The following CACNB4 variants were observed in gnomAD, a reference collection of about 807,000 sequenced individuals.
The protein encoded by CACNB4 is voltage-dependent L-type calcium channel subunit beta-4.
CACNB4 carries 32 observed loss-of-function variants against 71.2 expected under a neutral mutation model. The observed-to-expected ratio is 0.45, with a 90% CI of 0.34 to 0.60. The LOEUF (loss-of-function observed/expected upper bound fraction) is 0.60, where lower values mean the gene tolerates loss of function less well. Among genes scored for constraint, CACNB4 ranks in the 20% least tolerant of loss-of-function variants. The pLI is 0.01. For missense variants in CACNB4, 464 were observed against 647.9 expected, an observed-to-expected ratio of 0.72 and a Z score of 3.08; for synonymous variants, 231 against 236.9, an observed-to-expected ratio of 0.97 and a Z score of 0.23.
At chr2:151,845,073 A>G (rs897926270) in intron 12 of CACNB4, among the ~76,000 whole-genome samples, 3 of 152,226 alleles carry the variant, frequency 2.0e-5, no homozygotes, top group African/African-American at 7.2e-5. Context: ...TGTTATTTGA[A>G]TGAGGTTTAT....
chr2:151,847,408 AG>A (rs2099837883), intron 12 of CACNB4, among the ~76,000 whole-genome samples: 1 of 152,140 alleles, frequency 6.6e-6, no homozygotes, highest in African/African-American at 2.4e-5. Flanking sequence ...AAGACTGGCA[AG>A]TACTGTTCAG....
At chr2:151,854,609 G>A (rs1335780687) in intron 11 of CACNB4, 1 of 152,076 alleles carries the variant, frequency 6.6e-6, no homozygotes, top group South Asian at 2.1e-4. Flanking sequence ...AAAAATGAAA[G>A]AACACCCAAA....
intron 3 of CACNB4, among the ~76,000 whole-genome samples, chr2:151,882,181 CTTTTTTTTTTTTTTT>C (rs35206904): frequency 7.5e-4 from 38 of 50,848 alleles, no homozygotes; most frequent in Middle Eastern, 0.025. Flanking sequence ...ACCGGCCCCT[CTTTTTTTTTTTTTTT>C]TTTTTTTTTT....
chr2:151,856,688 G>C (rs7597660), intron 10 of CACNB4: 15,099 of 151,992 alleles, frequency 0.099, 846 homozygotes, highest in African/African-American at 0.14. Context: ...AGTACATACA[G>C]TACACAAAAC....
At chr2:151,875,410 G>A in intron 5 of CACNB4, among the ~76,000 whole-genome samples, 1 of 151,312 alleles carries the variant, frequency 6.6e-6, no homozygotes. Flanking sequence ...CACAGACACA[G>A]CAACCATCCG....
intron 2 of CACNB4, among the ~76,000 whole-genome samples, chr2:151,903,424 C>T (rs574919052): frequency 6.6e-6 from 1 of 152,156 alleles, no homozygotes; most frequent in Non-Finnish European, 1.5e-5. Context: ...GAGGCTAAAG[C>T]AGGAGAATCA....
chr2:152,070,363 G>A (rs1289568238), intron 2 of CACNB4, among the ~76,000 whole-genome samples: 1 of 152,076 alleles, frequency 6.6e-6, no homozygotes, highest in East Asian at 1.9e-4. Context: ...TAGTGTACTT[G>A]CCTTAGAGAA....
At chr2:151,856,150 A>G (rs1367257776) in intron 10 of CACNB4, among the ~76,000 whole-genome samples, 6 of 139,244 alleles carry the variant, frequency 4.3e-5, no homozygotes, top group Non-Finnish European at 9.1e-5. Flanking sequence ...GAAGCAATCC[A>G]GTTTTTTTTT....
intron 2 of CACNB4, among the ~76,000 whole-genome samples, chr2:151,898,089 G>T (rs992650882): frequency 1.3e-5 from 2 of 152,194 alleles, no homozygotes; most frequent in Non-Finnish European, 1.5e-5. Flanking sequence ...CATGTTGGTT[G>T]TATTCCTCCA....
chr2:152,098,433 G>T lies in CACNB4; in HGVS notation c.64-20C>A. 1.2e-6 allele frequency: 2 copies of T among 1,602,832 alleles called. No individual in the cohort carries two copies. The highest frequency in any genetic ancestry group is 1.7e-6 in the Non-Finnish European group (2 of 1,170,122). ...GGCCACCTGGACTCGACACACGGGG[G>T]CCAGAGAGAAGCCGGTGAGGACCGC... On this transcript the variant is annotated intron_variant, in intron 1 of 13. Transcript: ENST00000539935. This position sits in a 1 kb window ranked among gnomAD's most constrained non-coding sequence, Gnocchi z 5.3.
chr2:151,893,490 C>T (rs2099851244), intron 2 of CACNB4, among the ~76,000 whole-genome samples: 2 of 152,280 alleles, frequency 1.3e-5, no homozygotes, highest in South Asian at 2.1e-4. Context: ...AATCTATCCA[C>T]CTCAGCCTCC....
intron 2 of CACNB4, among the ~76,000 whole-genome samples, chr2:151,946,327 C>T (rs979132764): frequency 1.3e-4 from 19 of 142,748 alleles, no homozygotes; most frequent in East Asian, 5.8e-4. Context: ...AAAACTCTGT[C>T]GCAAAAAAAA....
chr2:152,068,218 T>G (rs745877348), intron 2 of CACNB4, among the ~76,000 whole-genome samples: 2 of 152,192 alleles, frequency 1.3e-5, no homozygotes, highest in African/African-American at 2.4e-5. Context: ...CAGGTTCCTT[T>G]GAATTCTCCA....
At chr2:151,877,858 G>C (rs2099846842) in intron 4 of CACNB4, among the ~76,000 whole-genome samples, 1 of 152,180 alleles carries the variant, frequency 6.6e-6, no homozygotes, top group African/African-American at 2.4e-5. Flanking sequence ...GTGAGAGTCT[G>C]TCAATGTGGG....
rs1560134856 is a variant in CACNB4 at position 152,016,995 on chromosome 2, C to CGGCCGGGCGCGGTGGCTCACGCCTGT, written c.147+81334_147+81335insACAGGCGTGAGCCACCGCGCCCGGCC. On this transcript the variant is annotated intron_variant, in intron 2 of 13. Transcript: ENST00000539935. ...CATTTAGTTGTTAAAGGTAGAACTG[C>CGGCCGGGCGCGGTGGCTCACGCCTGT]AAGTTTAACCCAGGTGTTGCTCTTT... Among the ~76,000 whole-genome samples the CGGCCGGGCGCGGTGGCTCACGCCTGT allele has an allele frequency of 4.6e-3, 686 of 150,592 alleles. 45 individuals carry two copies. Among genetic ancestry groups the CGGCCGGGCGCGGTGGCTCACGCCTGT allele is most frequent in the African/African-American group, 0.017 (661 of 39,892 alleles).
intron 6 of CACNB4, 58 bp from the exon 7 acceptor site, chr2:151,870,919 A>C: frequency 7.7e-7 from 1 of 1,295,652 alleles, no homozygotes; most frequent in Non-Finnish European, 1.1e-6. Flanking sequence ...ATGACAGTAC[A>C]TGAGTTTAAA....
chr2:151,872,515 A>G (rs1405045296), intron 5 of CACNB4, 22 bp from the exon 6 acceptor site: 2 of 1,279,850 alleles, frequency 1.6e-6, no homozygotes, highest in East Asian at 2.3e-5. Context: ...AAAAGGAACT[A>G]AAGACTCACT....
chr2:152,001,008 T>C (rs1002976593), intron 2 of CACNB4, among the ~76,000 whole-genome samples: 3 of 152,216 alleles, frequency 2.0e-5, no homozygotes, highest in Non-Finnish European at 4.4e-5. Context: ...GCCTACTGCA[T>C]ACCAGACACC....
At chr2:152,083,710 T>C (rs1238977714) in intron 2 of CACNB4, among the ~76,000 whole-genome samples, 2 of 152,240 alleles carry the variant, frequency 1.3e-5, no homozygotes, top group East Asian at 3.8e-4. Flanking sequence ...GTGCTGGCTT[T>C]CTGTTTGCTT....
Sources: gnomAD v4.1 joint callset for allele counts (sites outside exome capture counted in the v4.1 genomes callset) on GRCh38, gnomAD v4.1.1 for gene constraint, Gnocchi (gnomAD v3.1) non-coding constraint, MANE v1.5 for transcripts, NCBI Gene and HGNC (gene_info 2026-07-23, HGNC 2026-07-21) for gene names.